Variants in CSMD3 observed in about 807,000 individuals in gnomAD.
CSMD3 encodes the protein CUB and sushi domain-containing protein 3.
CSMD3 carries 177 observed loss-of-function variants against 435.2 expected under a neutral mutation model. That is an observed-to-expected ratio of 0.41 (90% CI 0.36 to 0.46). The LOEUF is 0.46. Among genes scored for constraint, CSMD3 ranks in the 20% least tolerant of loss-of-function variants. The pLI, the probability that CSMD3 is intolerant of heterozygous loss-of-function variation, is 0.34. For missense variants in CSMD3, 4,265 were observed against 4,504.6 expected (o/e 0.95, Z 1.52); for synonymous variants, 1,656 against 1,520.5 (o/e 1.09, Z -2.07).
rs554531318 is a variant in CSMD3, at chr8:112,597,706, G to T, written c.3716-10471C>A. Among the ~76,000 whole-genome samples, 20 of 136,430 alleles carry T rather than the reference G, an allele frequency of 1.5e-4. 1 individual carries two copies. The South Asian group carries it at 4.8e-3, about 32-fold the overall frequency. 89.5% of individuals were successfully genotyped at this position (136,430 alleles called of 152,430 possible). On this transcript the variant is annotated intron_variant, in intron 22 of 70. Coordinates refer to ENST00000297405, the MANE Select transcript of CSMD3 (RefSeq NM_198123.2). Reference sequence around the variant, plus strand: ...GCTTCATCCCTGGGATGCAAGGCTGGTTCAATATACGCAAATCAATAAGTG... The same window carrying T: ...GCTTCATCCCTGGGATGCAAGGCTGTTTCAATATACGCAAATCAATAAGTG...
chr8:112,304,750 C>G lies in CSMD3; in HGVS notation c.8237G>C (p.Ser2746Thr), dbSNP rs767586791. The change falls in exon 52 of 71, where the codon AGT becomes ACT. Residue 2746 changes from serine (S) to threonine (T), a missense_variant. This residue lies in a region of CSMD3 where 3,255 missense variants were observed against 3,380.2 expected (regional missense o/e 0.96). Transcript: ENST00000297405. Reference sequence around the variant, plus strand: ...GCAATATGGTCTTTCATTTCTCCAACTCCAAGTACCATTAGGAAGACATTC... The same window carrying G: ...GCAATATGGTCTTTCATTTCTCCAAGTCCAAGTACCATTAGGAAGACATTC... Reference protein sequence around the residue: ...SIECLPNGTWSWRNERPYCQI... With the variant: ...SIECLPNGTWTWRNERPYCQI... 1 of 1,613,718 alleles carries G rather than the reference C, an allele frequency of 6.2e-7. No individual in the cohort carries two copies. The highest frequency in any genetic ancestry group is 2.2e-5 in the East Asian group (1 of 44,852).
chr8:112,719,013 AT>A lies in CSMD3; in HGVS notation c.1973-28964del, dbSNP rs202065555. Among the ~76,000 whole-genome samples, 936 of 152,292 alleles carry A rather than the reference AT, an allele frequency of 6.1e-3. 4 individuals are homozygous for A. The highest frequency in any genetic ancestry group is 8.9e-3 in the Non-Finnish European group (603 of 68,016). On this transcript the variant is annotated intron_variant, in intron 13 of 70. Coordinates refer to ENST00000297405, the MANE Select transcript of CSMD3 (RefSeq NM_198123.2). Reference sequence around the variant, plus strand: ...ATTTTTCTGTATAAATTCACTCTGAATTTATTGAAGACATTATTCTGATATA... The same window carrying A: ...ATTTTTCTGTATAAATTCACTCTGAATTATTGAAGACATTATTCTGATATA...
chr8:113,156,904 C>A (rs2091944718), intron 4 of CSMD3, among the ~76,000 whole-genome samples: 1 of 150,562 alleles, frequency 6.6e-6, no homozygotes, highest in African/African-American at 2.5e-5. Flanking sequence ...TTCAGTCCAG[C>A]CTGGGTGACA....
intron 27 of CSMD3, among the ~76,000 whole-genome samples, chr8:112,530,005 C>A (rs944363267): frequency 1.3e-5 from 2 of 151,770 alleles, no homozygotes; most frequent in African/African-American, 2.4e-5. Context: ...GGCTGAAGAA[C>A]ACAATAACTA....
At chr8:112,854,903 T>C (rs1374968879) in intron 11 of CSMD3, among the ~76,000 whole-genome samples, 1 of 152,094 alleles carries the variant, frequency 6.6e-6, no homozygotes, top group African/African-American at 2.4e-5. Flanking sequence ...AGCAATCCAA[T>C]AGAAATCTCA....
At chr8:113,393,631 C>G (rs753450828) in intron 1 of CSMD3, among the ~76,000 whole-genome samples, 4 of 152,088 alleles carry the variant, frequency 2.6e-5, no homozygotes, top group Non-Finnish European at 5.9e-5. Context: ...GAAAGGTGCA[C>G]ACTAGTTTCA....
intron 28 of CSMD3, among the ~76,000 whole-genome samples, chr8:112,511,960 G>A (rs868087737): frequency 2.6e-5 from 4 of 152,036 alleles, no homozygotes; most frequent in South Asian, 2.1e-4. Context: ...CTCCTCATTC[G>A]TTCAAGTTTT....
intron 2 of CSMD3, among the ~76,000 whole-genome samples, chr8:113,279,693 A>G (rs1245198040): frequency 5.3e-5 from 8 of 151,772 alleles, no homozygotes; most frequent in Non-Finnish European, 1.2e-4. Flanking sequence ...AGTTATTTTC[A>G]TATAATAGCT....
intron 28 of CSMD3, among the ~76,000 whole-genome samples, chr8:112,516,592 G>T (rs1236768029): frequency 6.6e-6 from 1 of 152,062 alleles, no homozygotes; most frequent in African/African-American, 2.4e-5. Context: ...TATTCCTTTG[G>T]ATTACATGAA....
chr8:113,135,591 A>G (rs1237344919), intron 4 of CSMD3, among the ~76,000 whole-genome samples: 1 of 151,808 alleles, frequency 6.6e-6, no homozygotes, highest in Non-Finnish European at 1.5e-5. Flanking sequence ...TGTGTTTCTT[A>G]TCACTATATA....
At chr8:113,377,037 G>T in intron 1 of CSMD3, 3 of 1,155,168 alleles carry the variant, frequency 2.6e-6, no homozygotes, top group Non-Finnish European at 3.4e-6. Flanking sequence ...GTGGGGGTGG[G>T]GCGGAGCGGA....
intron 50 of CSMD3, chr8:112,310,706 T>C (rs1411509329): frequency 2.0e-6 from 1 of 494,346 alleles, no homozygotes; most frequent in Non-Finnish European, 3.7e-6. Flanking sequence ...ACAAAGTAAC[T>C]GGAATGGAGG....
chr8:112,225,249 A>AATG (rs1209053922), intron 70 of CSMD3, among the ~76,000 whole-genome samples: 2 of 152,100 alleles, frequency 1.3e-5, no homozygotes, highest in African/African-American at 4.8e-5. Flanking sequence ...TATAAATAAT[A>AATG]ATGATGATGG....
intron 3 of CSMD3, among the ~76,000 whole-genome samples, chr8:113,189,907 G>A (rs146123537): frequency 6.6e-6 from 1 of 151,742 alleles, no homozygotes; most frequent in African/African-American, 2.4e-5. Context: ...TTATTGAAAT[G>A]TAAAGAATTC....
intron 7 of CSMD3, among the ~76,000 whole-genome samples, chr8:112,966,944 A>G (rs1388814932): frequency 2.0e-5 from 3 of 151,934 alleles, no homozygotes; most frequent in Non-Finnish European, 4.4e-5. Flanking sequence ...AAATCCTATG[A>G]GGAATAGACA....
At chr8:112,927,383 C>G (rs2082944776) in intron 9 of CSMD3, among the ~76,000 whole-genome samples, 1 of 152,040 alleles carries the variant, frequency 6.6e-6, no homozygotes, top group African/African-American at 2.4e-5. Context: ...AAAATTGGAG[C>G]AAGTGAAGCT....
chr8:113,324,431 T>C (rs2093969713), intron 1 of CSMD3, among the ~76,000 whole-genome samples: 1 of 152,132 alleles, frequency 6.6e-6, no homozygotes, highest in African/African-American at 2.4e-5. Flanking sequence ...GGGGACAACG[T>C]AGACCTCGGT....
Position 112,525,880 on chromosome 8 carries a change from A to G in CSMD3, c.4565-8655T>C, listed in dbSNP as rs1043071748. Among the ~76,000 whole-genome samples, 41 of 142,744 alleles carry G rather than the reference A, an allele frequency of 2.9e-4. No individual in the cohort carries two copies. In the East Asian group the frequency reaches 8.2e-3, roughly 29 times the overall value. The allele number at this position is 142,744 out of a possible 152,430, so 93.6% of individuals were successfully genotyped here. Reference sequence around the variant, plus strand: ...TATATATAGTTTTTGTTTTTTATATATATAAATATATATATTTTATATATG... The same window carrying G: ...TATATATAGTTTTTGTTTTTTATATGTATAAATATATATATTTTATATATG... On this transcript the variant is annotated intron_variant, in intron 27 of 70. Transcript: ENST00000297405.
At chr8:113,385,895 T>C (rs1432879782) in intron 1 of CSMD3, among the ~76,000 whole-genome samples, 1 of 152,114 alleles carries the variant, frequency 6.6e-6, no homozygotes, top group African/African-American at 2.4e-5. Context: ...AATTGAACAT[T>C]TTCCTCATCT....
Sources: allele counts gnomAD v4.1 joint callset (sites outside exome capture counted in the v4.1 genomes callset), GRCh38; gene constraint gnomAD v4.1.1; regional missense constraint gnomAD v4.1.1; transcripts MANE v1.5; gene names NCBI Gene and HGNC (gene_info 2026-07-23, HGNC 2026-07-21).